The following TRIM35 variants were observed in gnomAD, a reference collection of about 807,000 sequenced individuals.
TRIM35 encodes E3 ubiquitin-protein ligase TRIM35.
A neutral mutation model predicts 49.1 loss-of-function variants in TRIM35; 37 were observed. That is an observed-to-expected ratio of 0.75 (90% confidence interval 0.58 to 0.99). TRIM35 has a LOEUF of 0.99. TRIM35 is among the 50% of genes least tolerant of loss of function. The pLI is 0.00. For missense variants in TRIM35, 648 were observed against 702.7 expected (o/e 0.92, Z 0.88); for synonymous variants, 302 against 289.3 (o/e 1.04, Z -0.45).
At chr8:27,298,324 C>A in intron 2 of TRIM35, 140 bp downstream of exon 2, 1 of 730,674 alleles carries the variant, frequency 1.4e-6, no homozygotes, top group Non-Finnish European at 2.3e-6. Context: ...GACGTGGCTG[C>A]ACAGGACCAT....
Position 27,311,209 on chromosome 8 carries a change from G to A in TRIM35, c.27C>T (p.Pro9=), listed in dbSNP as rs761766074. MERSPDVS[P]GPSRSFKEEL... ...CCTCCTTGAAGGAGCGGGAAGGCCCGGGGGACACGTCGGGACTCCGCTCCA... is the reference window on the plus strand; with the variant it reads ...CCTCCTTGAAGGAGCGGGAAGGCCCAGGGGACACGTCGGGACTCCGCTCCA... The change falls in exon 1 of 6, where the codon CCC becomes CCT. Residue 9 remains proline, a synonymous_variant. Transcript: ENST00000305364. 9 of 1,586,420 alleles carry A rather than the reference G, an allele frequency of 5.7e-6. No individual in the cohort carries two copies. The highest frequency in any genetic ancestry group is 4.0e-5 in the African/African-American group (3 of 74,512).
At chr8:27,292,151 A>G (rs1007558877) in intron 3 of TRIM35, among the ~76,000 whole-genome samples, 3 of 152,226 alleles carry the variant, frequency 2.0e-5, no homozygotes, top group East Asian at 1.9e-4. Context: ...TGACTATGGT[A>G]TGGTCCCATG....
chr8:27,309,080 T>C (rs1325378477), intron 1 of TRIM35, among the ~76,000 whole-genome samples: 1 of 152,216 alleles, frequency 6.6e-6, no homozygotes, highest in Non-Finnish European at 1.5e-5. Context: ...TCCTGCAGTA[T>C]CCCTGGGACC....
intron 1 of TRIM35, among the ~76,000 whole-genome samples, chr8:27,305,601 A>T (rs1802767585): frequency 6.6e-6 from 1 of 152,218 alleles, no homozygotes; most frequent in Admixed American, 6.5e-5. Context: ...TATCGAGAGT[A>T]CCCTTGGGTT....
chr8:27,288,118 C>T lies in TRIM35; in HGVS notation c.914G>A (p.Ser305Asn). ...MLASVESVPF[S>N]FDPNTAAGWL... ...GCCAGCTGCGGTGTTGGGGTCAAAG[C>T]TGAAGGGTACTGCAAGCAGAGGCGG... The change falls in exon 6 of 6, where the codon AGC (serine) becomes AAC (asparagine). Residue 305 changes from serine to asparagine, a missense_variant. Ser to Asn is a conservative substitution (Grantham distance 46). Coordinates refer to ENST00000305364, the MANE Select transcript of TRIM35 (RefSeq NM_171982.5). The T allele has an allele frequency of 1.2e-6, 2 of 1,603,196 alleles. No homozygotes were observed. The highest frequency in any genetic ancestry group is 1.1e-5 in the South Asian group (1 of 90,932).
chr8:27,311,176 G>T lies in TRIM35; in HGVS notation c.60C>A (p.Leu20=). The change falls in exon 1 of 6, where the codon CTC becomes CTA. Residue 20 remains leucine (L), a synonymous_variant. Coordinates refer to ENST00000305364, the MANE Select transcript of TRIM35 (RefSeq NM_171982.5). ...GPSRSFKEEL[L]CAVCYDPFRD... ...GGAAGGGGTCGTAGCAGACGGCGCAGAGCAACTCCTCCTTGAAGGAGCGGG... is the reference window on the plus strand; with the variant it reads ...GGAAGGGGTCGTAGCAGACGGCGCATAGCAACTCCTCCTTGAAGGAGCGGG... 6.2e-7 allele frequency: 1 copy of T among 1,606,426 alleles called. No individual in the cohort carries two copies.
rs1275386920 is a variant in TRIM35, at chr8:27,298,523, T to C, written c.472A>G (p.Lys158Glu). The C allele has an allele frequency of 6.2e-7, 1 of 1,614,194 alleles. No homozygotes were observed. The highest frequency in any genetic ancestry group is 8.5e-7 in the Non-Finnish European group (1 of 1,180,040). ...CGCATGGCCCAGAAGGCCTTGGCCT[T>C]CTCCCGCAGTGCATGCTCCATGTTC... ...CRNMEHALRE[K>E]AKAFWAMRRS... The change falls in exon 2 of 6, where the codon AAG becomes GAG. Residue 158 changes from lysine (K) to glutamate (E), a missense_variant. By Grantham distance (56) the Lys-to-Glu change is moderately conservative. Coordinates refer to ENST00000305364, the MANE Select transcript of TRIM35 (RefSeq NM_171982.5).
At chr8:27,301,519 C>G (rs555905412) in intron 1 of TRIM35, among the ~76,000 whole-genome samples, 1 of 152,298 alleles carries the variant, frequency 6.6e-6, no homozygotes, top group South Asian at 2.1e-4. Context: ...TTTAAGTACT[C>G]AGTAAAGTAT....
chr8:27,301,477 G>A (rs1009842487), intron 1 of TRIM35, among the ~76,000 whole-genome samples: 1 of 152,194 alleles, frequency 6.6e-6, no homozygotes, highest in Non-Finnish European at 1.5e-5. Context: ...AATGTTAATA[G>A]AAAATGTTTA....
chr8:27,299,720 T>C (rs958761524), intron 1 of TRIM35, among the ~76,000 whole-genome samples: 1 of 152,198 alleles, frequency 6.6e-6, no homozygotes, highest in South Asian at 2.1e-4. Flanking sequence ...CTCATTCCCA[T>C]CTGGACCTGA....
At chr8:27,293,378 T>G (rs550935757) in intron 3 of TRIM35, among the ~76,000 whole-genome samples, 2 of 152,206 alleles carry the variant, frequency 1.3e-5, no homozygotes, top group African/African-American at 4.8e-5. Context: ...ATAATACTGT[T>G]TTTTTAAAGA....
chr8:27,293,838 G>C (rs1193710607), intron 3 of TRIM35, among the ~76,000 whole-genome samples: 1 of 152,050 alleles, frequency 6.6e-6, no homozygotes. Context: ...GGGTGATACA[G>C]CAAGACCCTG....
chr8:27,310,665 A>G, intron 1 of TRIM35, 136 bp downstream of exon 1: 2 of 992,990 alleles, frequency 2.0e-6, no homozygotes, highest in Non-Finnish European at 2.9e-6. Context: ...TGGGTCGGAG[A>G]GGTGGGGTCC....
chr8:27,294,402 G>T, intron 2 of TRIM35, 92 bp from the exon 3 acceptor site: 8 of 1,228,760 alleles, frequency 6.5e-6, no homozygotes, highest in Non-Finnish European at 8.9e-6. Context: ...GGAAATTTAT[G>T]TTCAAATAAA....
At chr8:27,309,282 G>A (rs1290891566) in intron 1 of TRIM35, among the ~76,000 whole-genome samples, 4 of 152,156 alleles carry the variant, frequency 2.6e-5, no homozygotes, top group Non-Finnish European at 4.4e-5. Flanking sequence ...CAGACCCCTG[G>A]CTGGCCAGCA....
rs752168870 is a variant in TRIM35, at chr8:27,298,498, C to T, written c.497G>A (p.Arg166Gln). ...REKAKAFWAM[R>Q]RSYEAIAKHN... ...CTTGGCGATGGCCTCATAGGAGCGC[C>T]GCATGGCCCAGAAGGCCTTGGCCTT... Residue 166 changes from arginine (R) to glutamine (Q), a missense_variant, in exon 2 of 6, where the codon CGG (arginine) becomes CAG (glutamine). By Grantham distance (43) the Arg-to-Gln change is conservative (BLOSUM62 1). Transcript: ENST00000305364. 6.8e-6 allele frequency: 11 copies of T among 1,614,108 alleles called. No homozygotes were observed. The highest frequency in any genetic ancestry group is 2.2e-5 in the East Asian group (1 of 44,892).
intron 2 of TRIM35, among the ~76,000 whole-genome samples, chr8:27,297,078 G>A (rs987141688): frequency 1.3e-5 from 2 of 152,190 alleles, no homozygotes; most frequent in Admixed American, 6.5e-5. Context: ...GGTCTGCTTT[G>A]CGGTTACTGC....
rs199649028 is a variant in TRIM35, at chr8:27,287,626, G to A, written c.1406C>T (p.Ala469Val). 1,151 of 1,608,166 alleles carry A rather than the reference G, an allele frequency of 7.2e-4. 1 individual carries two copies. Among genetic ancestry groups the A allele is most frequent in the Middle Eastern group, 2.5e-3 (15 of 6,056 alleles). The change falls in exon 6 of 6, where the codon GCA becomes GTA. Residue 469 changes from alanine (A) to valine (V), a missense_variant. Physicochemically the swap from Ala to Val is moderately conservative, Grantham distance 64 (BLOSUM62 0). Coordinates refer to ENST00000305364, the MANE Select transcript of TRIM35 (RefSeq NM_171982.5). The surrounding 1 kb of genome is among the most constrained non-coding windows in gnomAD (Gnocchi z 6.0). ...AGGCTCTGGAGGCCCGGCGCCCCGT[G>A]CACCCCCCAGGTAGAAGTAGGGGCG... ...EVRPYFYLGG[A>V]RGAGPPEPLR...
rs768308708 is a variant in TRIM35, at chr8:27,287,579, T to C, written c.1453A>G (p.Ile485Val). ...PEPLRICPLH[I>V]SVKEELDG Reference sequence around the variant, plus strand: ...CCATCCAGTTCTTCCTTGACACTGATGTGCAAGGGGCAGATGCGCAAAGGC... The same window carrying C: ...CCATCCAGTTCTTCCTTGACACTGACGTGCAAGGGGCAGATGCGCAAAGGC... Residue 485 changes from isoleucine (I) to valine (V), a missense_variant, in exon 6 of 6, where the codon ATC (isoleucine) becomes GTC (valine). Transcript: ENST00000305364. This position sits in a 1 kb window ranked among gnomAD's most constrained non-coding sequence, Gnocchi z 6.0. 22 of 1,597,946 alleles carry C rather than the reference T, an allele frequency of 1.4e-5. No homozygotes were observed. The highest frequency in any genetic ancestry group is 1.9e-5 in the Non-Finnish European group (22 of 1,171,742).
Sources: gnomAD v4.1 joint callset for allele counts (sites outside exome capture counted in the v4.1 genomes callset) on GRCh38, gnomAD v4.1.1 for gene constraint, Gnocchi (gnomAD v3.1) non-coding constraint, MANE v1.5 for transcripts, NCBI Gene and HGNC (gene_info 2026-07-23, HGNC 2026-07-21) for gene names.